The following SRP54 variants were observed in gnomAD, a reference collection of about 807,000 sequenced individuals.
SRP54 encodes the protein signal recognition particle subunit SRP54.
In SRP54, 10 loss-of-function variants were observed where a neutral mutation model predicts 64.8. That is an observed-to-expected ratio of 0.15 (90% CI 0.10 to 0.26). The LOEUF is 0.26. Ranked by LOEUF, SRP54 falls within the 10% of genes least tolerant of loss-of-function variation. The pLI, the probability that SRP54 is intolerant of heterozygous loss-of-function variation, is 1.00. For missense variants in SRP54, 325 were observed against 613.7 expected (o/e 0.53, Z 4.97); for synonymous variants, 193 against 185.6 (o/e 1.04, Z -0.32).
intron 7 of SRP54, among the ~76,000 whole-genome samples, chr14:35,010,816 C>G (rs1261297874): frequency 6.6e-6 from 1 of 151,926 alleles, no homozygotes; most frequent in African/African-American, 2.4e-5. Flanking sequence ...GGAAAAACGT[C>G]AAATGTCTAA....
intron 11 of SRP54, among the ~76,000 whole-genome samples, chr14:35,017,661 CCT>C (rs1398686964): frequency 6.6e-6 from 1 of 152,100 alleles, no homozygotes; most frequent in Non-Finnish European, 1.5e-5. Flanking sequence ...TTGTTCCATC[CCT>C]GTTTTTAAAC....
intron 1 of SRP54, among the ~76,000 whole-genome samples, chr14:34,995,134 G>GGGGT (rs772142089): frequency 3.3e-4 from 23 of 70,330 alleles, no homozygotes; most frequent in African/African-American, 1.1e-3. Flanking sequence ...ATCAATAAAG[G>GGGGT]GTGTGTGTGT....
At position 34,983,222 on chromosome 14, in the gene SRP54, G is replaced by C. The variant is rs976448563; in HGVS notation, c.-34+7G>C. 2.0e-5 allele frequency: 3 copies of C among 152,310 alleles called. No homozygotes were observed. Among genetic ancestry groups the C allele is most frequent in the Non-Finnish European group, 4.4e-5 (3 of 68,120 alleles). 9.4% of individuals were successfully genotyped at this position (152,310 alleles called of 1,614,324 possible). On this transcript the variant is annotated splice_region_variant and intron_variant, in intron 1 of 15. Coordinates refer to ENST00000216774, the MANE Select transcript of SRP54 (RefSeq NM_003136.4). Reference sequence around the variant, plus strand: ...TTTAGCGGTGTCTTTTGCGGTAAGTGTCTGCTTTTTCCCGCCCCAGACTAC... The same window carrying C: ...TTTAGCGGTGTCTTTTGCGGTAAGTCTCTGCTTTTTCCCGCCCCAGACTAC...
chr14:35,002,169 C>A (rs1443331051), intron 4 of SRP54, among the ~76,000 whole-genome samples: 1 of 152,024 alleles, frequency 6.6e-6, no homozygotes, highest in Non-Finnish European at 1.5e-5. Context: ...GCCTGGCCAA[C>A]ATGGTGTAAC....
intron 1 of SRP54, among the ~76,000 whole-genome samples, chr14:34,984,907 CCTTT>C (rs2043869817): frequency 8.3e-6 from 1 of 120,794 alleles, no homozygotes; most frequent in Admixed American, 8.7e-5. Context: ...TCTTCACCTT[CCTTT>C]TTTTTTTTTT....
intron 7 of SRP54, 72 bp downstream of exon 7, chr14:35,008,903 T>A (rs866815473): frequency 3.7e-5 from 44 of 1,189,364 alleles, no homozygotes; most frequent in Middle Eastern, 6.0e-4. Context: ...TTTTTTTTTT[T>A]TGAGACGGAG....
rs750470973 is a variant in SRP54 at position 35,007,325 on chromosome 14, A to G, written c.298A>G (p.Lys100Glu). Residue 100 changes from lysine (K) to glutamate (E), a missense_variant, in exon 5 of 16, where the codon AAA becomes GAA. Lys to Glu is a moderately conservative substitution (Grantham distance 56). Around this residue, in one of 3 missense-constraint regions of SRP54, gnomAD observed 156 missense variants for 254.6 expected, o/e 0.61. Coordinates refer to ENST00000216774, the MANE Select transcript of SRP54 (RefSeq NM_003136.4). ...TAAGGCATGGACACCCACTAAAGGA[A>G]AACAAAATGTGATTATGTTTGTTGG... The part of the protein sequence containing the change: ...GVKAWTPTKG[K>E]QNVIMFVGLQ... 19 of 1,595,032 alleles carry G rather than the reference A, an allele frequency of 1.2e-5. No homozygotes were observed. The highest frequency in any genetic ancestry group is 1.5e-5 in the Non-Finnish European group (17 of 1,167,148).
chr14:35,018,143 A>G (rs777204511), intron 11 of SRP54, among the ~76,000 whole-genome samples: 2 of 152,136 alleles, frequency 1.3e-5, no homozygotes, highest in Non-Finnish European at 2.9e-5. Flanking sequence ...TTTTCTTCCA[A>G]TCTGTTTTCT....
intron 1 of SRP54, among the ~76,000 whole-genome samples, chr14:34,986,951 C>A (rs1032947349): frequency 6.6e-6 from 1 of 151,162 alleles, no homozygotes; most frequent in Non-Finnish European, 1.5e-5. Context: ...AAATATAATT[C>A]TTGGCTGGGT....
intron 5 of SRP54, 90 bp downstream of exon 5, chr14:35,007,477 G>A: frequency 2.1e-6 from 1 of 475,818 alleles, no homozygotes. Flanking sequence ...GTAAAGCCTG[G>A]CTTTATAATG....
intron 11 of SRP54, among the ~76,000 whole-genome samples, chr14:35,016,739 T>G (rs1253156451): frequency 6.6e-6 from 1 of 152,194 alleles, no homozygotes; most frequent in East Asian, 1.9e-4. Context: ...ATTTTTTATG[T>G]TCACAGTACC....
chr14:35,019,019 G>A lies in SRP54; in HGVS notation c.1101G>A (p.Glu367=). The A allele has an allele frequency of 6.2e-7, 1 of 1,613,856 alleles. No individual in the cohort carries two copies. The highest frequency in any genetic ancestry group is 8.5e-7 in the Non-Finnish European group (1 of 1,179,896). Residue 367 remains glutamate, a synonymous_variant, in exon 13 of 16, where the codon GAG becomes GAA. Coordinates refer to ENST00000216774, the MANE Select transcript of SRP54 (RefSeq NM_003136.4). ...TTATGAGCAAAGGAAATGAACAGGA[G>A]TCAATGGCAAGGCTAAAGAAATTAA... ...TDFMSKGNEQ[E]SMARLKKLMT...
At chr14:35,008,928 C>G (rs2044310686) in intron 7 of SRP54, 97 bp downstream of exon 7, 1 of 1,005,782 alleles carries the variant, frequency 9.9e-7, no homozygotes, top group East Asian at 2.7e-5. Context: ...CCTCTGTCAC[C>G]CAGGCTGGGG....
chr14:35,022,412 A>AGTAGC (rs2044548532), intron 13 of SRP54, among the ~76,000 whole-genome samples: 1 of 151,644 alleles, frequency 6.6e-6, no homozygotes, highest in Non-Finnish European at 1.5e-5. Context: ...GCTGGAGTGC[A>AGTAGC]ATGGCGCAAT....
At chr14:35,012,004 G>A (rs111728461) in intron 8 of SRP54, among the ~76,000 whole-genome samples, 11,718 of 152,100 alleles carry the variant, frequency 0.077, 596 homozygotes, top group Non-Finnish European at 0.12. Flanking sequence ...GGATCACAAG[G>A]TCAGGAGTTC....
intron 14 of SRP54, among the ~76,000 whole-genome samples, 185 bp downstream of exon 14, chr14:35,023,265 A>AC (rs1402605749): frequency 2.0e-5 from 3 of 151,534 alleles, no homozygotes; most frequent in African/African-American, 7.3e-5. Context: ...TTAAAAAAAA[A>AC]CTTTACATCT....
At chr14:34,988,645 C>T (rs1383539017) in intron 1 of SRP54, among the ~76,000 whole-genome samples, 1 of 137,612 alleles carries the variant, frequency 7.3e-6, no homozygotes, top group African/African-American at 2.6e-5. Context: ...TACCTATAGG[C>T]CATTTTGTTA....
chr14:35,007,257 A>AT (rs760071379), intron 4 of SRP54, 26 bp from the exon 5 acceptor site: 1 of 1,492,140 alleles, frequency 6.7e-7, no homozygotes, highest in African/African-American at 1.4e-5. Flanking sequence ...ACCTGATTTT[A>AT]TTTTTAATTT....
In SRP54 at chr14:35,029,193, A is replaced by C. The variant is rs1273202973; in HGVS notation, c.*41A>C. 1 of 1,529,166 alleles carries C rather than the reference A, an allele frequency of 6.5e-7. No homozygotes were observed. The highest frequency in any genetic ancestry group is 1.1e-5 in the South Asian group (1 of 87,322). 94.7% of individuals were successfully genotyped at this position (1,529,166 alleles called of 1,614,324 possible). On this transcript the variant is annotated 3_prime_UTR_variant, in exon 16 of 16. Transcript: ENST00000216774. ...ATAAACTGACTCAGTTGAATACCTA[A>C]TTTGCTGAGACCTCAGCGTTTCCCT...
Sources: allele counts gnomAD v4.1 joint callset (sites outside exome capture counted in the v4.1 genomes callset), GRCh38; gene constraint gnomAD v4.1.1; regional missense constraint gnomAD v4.1.1; transcripts MANE v1.5; gene names NCBI Gene and HGNC (gene_info 2026-07-23, HGNC 2026-07-21).